The following WWP1 variants were observed in gnomAD, a reference collection of about 807,000 sequenced individuals.
WWP1 encodes the protein WW domain containing E3 ubiquitin protein ligase 1.
Under a neutral mutation model 130.6 loss-of-function variants are expected in WWP1, and 49 were observed. The ratio of observed to expected loss-of-function variants is 0.38; its 90% CI spans 0.30 to 0.48. The LOEUF (loss-of-function observed/expected upper bound fraction) is 0.48, where lower values mean the gene tolerates loss of function less well. Ranked by LOEUF, WWP1 falls within the 20% of genes least tolerant of loss-of-function variation. The pLI is 0.99. For synonymous variants in WWP1, 332 were observed against 367.8 expected, an observed-to-expected ratio of 0.90 and a Z score of 1.11; for missense variants, 809 against 1,100.6, an observed-to-expected ratio of 0.74 and a Z score of 3.75.
At chr8:86,380,363 G>A (rs1314652737) in intron 3 of WWP1, among the ~76,000 whole-genome samples, 1 of 152,070 alleles carries the variant, frequency 6.6e-6, no homozygotes. Context: ...GGAGAGGGTT[G>A]ATTGGGAGGA....
At chr8:86,442,385 T>G in intron 17 of WWP1, 1 of 301,680 alleles carries the variant, frequency 3.3e-6, no homozygotes, top group Non-Finnish European at 6.1e-6. Flanking sequence ...CAAATAAGCA[T>G]GTTATATCTA....
chr8:86,376,753 T>C (rs1824678928), intron 3 of WWP1, among the ~76,000 whole-genome samples: 1 of 152,220 alleles, frequency 6.6e-6, no homozygotes, highest in Admixed American at 6.5e-5. Context: ...ATTTTGAGCG[T>C]CAGTTGCTGC....
Position 86,466,430 on chromosome 8 carries a change from A to G in WWP1, c.2670-364A>G, listed in dbSNP as rs187181459. Reference sequence around the variant, plus strand: ...CAGTTATATAAAAAATTCTCGGTAAATGACTGATGAATGAGTGACTGAGTG... The same window carrying G: ...CAGTTATATAAAAAATTCTCGGTAAGTGACTGATGAATGAGTGACTGAGTG... On this transcript the variant is annotated intron_variant, in intron 24 of 24. Coordinates refer to ENST00000517970, the MANE Select transcript of WWP1 (RefSeq NM_007013.4). Among the ~76,000 whole-genome samples the G allele has an allele frequency of 2.0e-5, 3 of 152,260 alleles. No individual in the cohort carries two copies. The East Asian group carries it at 5.8e-4, about 29-fold the overall frequency.
intron 7 of WWP1, 123 bp downstream of exon 7, chr8:86,398,761 TGTCA>T (rs1476840795): frequency 2.0e-6 from 2 of 987,100 alleles, no homozygotes; most frequent in African/African-American, 3.3e-5. Context: ...TGTCTAAGCA[TGTCA>T]TTTGGTTAAT....
chr8:86,438,263 AG>A (rs1185127215), intron 16 of WWP1, among the ~76,000 whole-genome samples: 1 of 152,204 alleles, frequency 6.6e-6, no homozygotes, highest in Non-Finnish European at 1.5e-5. Context: ...GAGGAGGAAG[AG>A]GGCTTGGCCT....
intron 5 of WWP1, among the ~76,000 whole-genome samples, chr8:86,390,132 C>CGATGGGCA (rs1825561818): frequency 6.7e-6 from 1 of 148,186 alleles, no homozygotes; most frequent in Non-Finnish European, 1.5e-5. Flanking sequence ...ACATCTCAGA[C>CGATGGGCA]GATGGGCAGC....
At chr8:86,369,120 A>G (rs1003396976) in intron 2 of WWP1, 89 bp downstream of exon 2, 1 of 152,148 alleles carries the variant, frequency 6.6e-6, no homozygotes, top group Admixed American at 6.5e-5. Flanking sequence ...AGACCTAGTA[A>G]TACGTTGTCA....
chr8:86,343,846 T>C (rs1822397417), intron 1 of WWP1, among the ~76,000 whole-genome samples: 1 of 152,218 alleles, frequency 6.6e-6, no homozygotes, highest in African/African-American at 2.4e-5. Context: ...ATTTTGTGTT[T>C]CTGCTTTAAA....
At chr8:86,441,577 C>A (rs367680509) in intron 17 of WWP1, among the ~76,000 whole-genome samples, 2 of 152,046 alleles carry the variant, frequency 1.3e-5, no homozygotes, top group African/African-American at 2.4e-5. Flanking sequence ...TTAAAACACT[C>A]GACCTGCAAT....
intron 3 of WWP1, among the ~76,000 whole-genome samples, chr8:86,374,681 AAATTT>A (rs1459847435): frequency 2.6e-5 from 4 of 152,176 alleles, no homozygotes; most frequent in African/African-American, 9.7e-5. Context: ...AAAGGAAACA[AAATTT>A]AAATTAATTT....
At chr8:86,348,322 GATT>G (rs1822709678) in intron 1 of WWP1, among the ~76,000 whole-genome samples, 1 of 152,086 alleles carries the variant, frequency 6.6e-6, no homozygotes, top group African/African-American at 2.4e-5. Flanking sequence ...GGGTTCAAGA[GATT>G]CTCCTGCCTC....
At chr8:86,444,186 G>A (rs1396336254) in intron 18 of WWP1, among the ~76,000 whole-genome samples, 5 of 152,190 alleles carry the variant, frequency 3.3e-5, no homozygotes, top group Non-Finnish European at 7.3e-5. Flanking sequence ...GGTATATTGC[G>A]AAGTTAGAAC....
intron 20 of WWP1, among the ~76,000 whole-genome samples, chr8:86,451,214 TAAAAAAAAAAAAAAAAAA>T (rs61141803): frequency 1.2e-3 from 53 of 43,680 alleles, no homozygotes; most frequent in African/African-American, 3.0e-3. Context: ...CCTATGTTAT[TAAAAAAAAAAAAAAAAAA>T]AAAAAAAAAA....
chr8:86,431,832 A>G, intron 14 of WWP1, 89 bp downstream of exon 14: 4 of 1,555,362 alleles, frequency 2.6e-6, no homozygotes, highest in Non-Finnish European at 2.6e-6. Flanking sequence ...TTAGCAAAAC[A>G]TTTTACTTTT....
Position 86,346,699 on chromosome 8 carries a change from A to G in WWP1, c.-115+3769A>G, listed in dbSNP as rs540157638. On this transcript the variant is annotated intron_variant, in intron 1 of 24. Coordinates refer to ENST00000517970, the MANE Select transcript of WWP1 (RefSeq NM_007013.4). ...TAAACTTTGATTTCATAATTATTAG[A>G]AAGACTGTTGTTTTTTACTCTTTGT... 2.0e-5 allele frequency among the ~76,000 whole-genome samples: 3 copies of G among 152,316 alleles called. No individual in the cohort carries two copies. In the South Asian group the frequency reaches 6.2e-4, roughly 32 times the overall value.
At chr8:86,424,213 C>A (rs1164308390) in intron 9 of WWP1, among the ~76,000 whole-genome samples, 1 of 151,156 alleles carries the variant, frequency 6.6e-6, no homozygotes, top group Non-Finnish European at 1.5e-5. Context: ...GACGGGGCGG[C>A]GGGGCAGAGG....
At chr8:86,406,236 A>G (rs903141133) in intron 8 of WWP1, among the ~76,000 whole-genome samples, 4 of 152,242 alleles carry the variant, frequency 2.6e-5, no homozygotes, top group African/African-American at 9.6e-5. Context: ...ACTACCTTAT[A>G]GGACAGTTTT....
intron 5 of WWP1, among the ~76,000 whole-genome samples, chr8:86,390,741 A>T (rs1436871056): frequency 6.6e-6 from 1 of 150,506 alleles, no homozygotes; most frequent in African/African-American, 2.4e-5. Flanking sequence ...AGGGAGGAGG[A>T]GCGGGAGGGA....
chr8:86,440,387 G>C (rs1810526268), intron 17 of WWP1, among the ~76,000 whole-genome samples: 1 of 152,116 alleles, frequency 6.6e-6, no homozygotes, highest in Non-Finnish European at 1.5e-5. Context: ...TACAGTCTTT[G>C]CATAATGTTC....
Sources: allele counts gnomAD v4.1 joint callset (sites outside exome capture counted in the v4.1 genomes callset), GRCh38; gene constraint gnomAD v4.1.1; transcripts MANE v1.5; gene names NCBI Gene and HGNC (gene_info 2026-07-23, HGNC 2026-07-21).